Variants in PTPRD observed in about 807,000 individuals in gnomAD.
The protein encoded by PTPRD is protein tyrosine phosphatase receptor type D.
PTPRD carries 34 observed loss-of-function variants against 214.5 expected under a neutral mutation model. That is an observed-to-expected ratio of 0.16 (90% CI 0.12 to 0.21). The LOEUF (loss-of-function observed/expected upper bound fraction) is 0.21. Ranked by LOEUF, PTPRD falls within the 10% of genes least tolerant of loss-of-function variation. The probability of loss-of-function intolerance (pLI) is 1.00; values close to 1 mark genes in which losing one functional copy is unlikely to be tolerated. For synonymous variants in PTPRD, 1,128 were observed against 845.7 expected (o/e 1.33, Z -5.79); for missense variants, 2,545 against 2,398.7 (o/e 1.06, Z -1.27).
At chr9:10,225,814 G>C (rs924395366) in intron 3 of PTPRD, among the ~76,000 whole-genome samples, 2 of 152,020 alleles carry the variant, frequency 1.3e-5, no homozygotes, top group South Asian at 4.1e-4. Flanking sequence ...TTCTCAATGA[G>C]AATGTGTTAA....
chr9:10,440,350 T>G (rs895560747), intron 2 of PTPRD, among the ~76,000 whole-genome samples: 3 of 151,820 alleles, frequency 2.0e-5, no homozygotes, highest in Non-Finnish European at 2.9e-5. Context: ...AAAAAGAGCT[T>G]CTTCAAAATA....
At chr9:10,306,530 C>T (rs1489188958) in intron 3 of PTPRD, among the ~76,000 whole-genome samples, 5 of 152,048 alleles carry the variant, frequency 3.3e-5, no homozygotes, top group African/African-American at 7.2e-5. Context: ...TTCAAATATG[C>T]GATACAATAT....
intron 3 of PTPRD, among the ~76,000 whole-genome samples, chr9:10,305,383 CAAAAA>C (rs532681794): frequency 4.0e-5 from 3 of 75,878 alleles, no homozygotes; most frequent in Admixed American, 1.3e-4. Context: ...AAAGCAATGG[CAAAAA>C]AAAAAAAAAA....
intron 11 of PTPRD, among the ~76,000 whole-genome samples, chr9:8,915,453 G>T (rs1310917565): frequency 1.3e-5 from 2 of 152,152 alleles, no homozygotes; most frequent in African/African-American, 2.4e-5. Context: ...ATTAGTGGGG[G>T]TTCTCCAGAA....
chr9:9,457,759 T>G (rs1478117696), intron 8 of PTPRD, among the ~76,000 whole-genome samples: 2 of 148,382 alleles, frequency 1.3e-5, no homozygotes, highest in Non-Finnish European at 3.0e-5. Flanking sequence ...TTTTTAAATG[T>G]TTTCCCCCAA....
At chr9:9,885,270 C>T in intron 5 of PTPRD, among the ~76,000 whole-genome samples, 1 of 151,824 alleles carries the variant, frequency 6.6e-6, no homozygotes, top group South Asian at 2.1e-4. Context: ...CAGAAGAGTC[C>T]TTTCAACAAG....
intron 3 of PTPRD, among the ~76,000 whole-genome samples, chr9:10,251,303 A>T (rs1267774417): frequency 6.6e-6 from 1 of 152,154 alleles, no homozygotes; most frequent in Non-Finnish European, 1.5e-5. Flanking sequence ...ATTTTTAGAC[A>T]TGAATCTCTA....
chr9:9,000,070 T>A (rs1375268441), intron 11 of PTPRD, among the ~76,000 whole-genome samples: 1 of 152,006 alleles, frequency 6.6e-6, no homozygotes, highest in Non-Finnish European at 1.5e-5. Context: ...AACTGGAGGC[T>A]CTGTGTGTAG....
chr9:8,656,523 A>C (rs1182822382), intron 12 of PTPRD, among the ~76,000 whole-genome samples: 1 of 152,126 alleles, frequency 6.6e-6, no homozygotes. Flanking sequence ...CTTTCCTTGC[A>C]TAGGTACCAC....
chr9:8,530,097 C>G (rs1283358582), intron 14 of PTPRD, among the ~76,000 whole-genome samples: 2 of 152,016 alleles, frequency 1.3e-5, no homozygotes, highest in Non-Finnish European at 2.9e-5. Flanking sequence ...CCAGTATAAT[C>G]CATGAATTCA....
chr9:9,710,067 G>A (rs1049655692), intron 7 of PTPRD, among the ~76,000 whole-genome samples: 1 of 151,662 alleles, frequency 6.6e-6, no homozygotes, highest in Non-Finnish European at 1.5e-5. Context: ...AATAGAATAG[G>A]TCTCTGCCAT....
At chr9:9,520,158 G>GTCAC (rs71319285) in intron 8 of PTPRD, among the ~76,000 whole-genome samples, 2 of 151,198 alleles carry the variant, frequency 1.3e-5, no homozygotes, top group Non-Finnish European at 3.0e-5. Flanking sequence ...TTTTATGACA[G>GTCAC]GGTTTCTGTT....
chr9:8,654,351 A>T (rs1419230698), intron 12 of PTPRD, among the ~76,000 whole-genome samples: 1 of 152,180 alleles, frequency 6.6e-6, no homozygotes, highest in Admixed American at 6.5e-5. Flanking sequence ...CTAGACTGTG[A>T]GCCAACAAAA....
intron 9 of PTPRD, among the ~76,000 whole-genome samples, chr9:9,241,932 C>T (rs940613254): frequency 2.0e-5 from 3 of 152,024 alleles, no homozygotes; most frequent in Non-Finnish European, 4.4e-5. Context: ...GCAACTTCTT[C>T]CCAGCATCGA....
chr9:8,496,311 G>A (rs1433457535), intron 26 of PTPRD, among the ~76,000 whole-genome samples: 1 of 151,710 alleles, frequency 6.6e-6, no homozygotes, highest in Admixed American at 6.6e-5. Flanking sequence ...TTGGACCACT[G>A]TCTCTGAATT....
At chr9:9,407,946 TTGGAAAG>T (rs2074086562) in intron 8 of PTPRD, among the ~76,000 whole-genome samples, 1 of 151,764 alleles carries the variant, frequency 6.6e-6, no homozygotes, top group African/African-American at 2.4e-5. Context: ...ACCCAAATAC[TTGGAAAG>T]TGGAAGACTT....
intron 14 of PTPRD, among the ~76,000 whole-genome samples, chr9:8,591,805 C>T (rs572918526): frequency 6.6e-6 from 1 of 152,262 alleles, no homozygotes; most frequent in East Asian, 1.9e-4. Context: ...CTAAATCAAG[C>T]TTTAAATGTG....
At chr9:10,590,480 T>C (rs10121373) in intron 2 of PTPRD, among the ~76,000 whole-genome samples, 72,558 of 151,686 alleles carry the variant, frequency 0.48, 17,558 homozygotes, top group East Asian at 0.68. Flanking sequence ...CCACATCTTC[T>C]CCTCTGCCAG....
intron 5 of PTPRD, chr9:9,800,474 G>T (rs1275494253): frequency 6.6e-6 from 1 of 152,168 alleles, no homozygotes; most frequent in African/African-American, 2.4e-5. Flanking sequence ...GAGAAAAAGG[G>T]TAAAAGCAAA....
Sources: gnomAD v4.1 joint callset for allele counts (sites outside exome capture counted in the v4.1 genomes callset) on GRCh38, gnomAD v4.1.1 for gene constraint, MANE v1.5 for transcripts, NCBI Gene and HGNC (gene_info 2026-07-23, HGNC 2026-07-21) for gene names.